FAM222B: variants seen among roughly 807,000 people sequenced by gnomAD.
FAM222B encodes the protein family with sequence similarity 222 member B.
FAM222B carries 12 observed loss-of-function variants against 38.0 expected under a neutral mutation model. That is an observed-to-expected ratio of 0.32 (90% confidence interval 0.20 to 0.51). The LOEUF (loss-of-function observed/expected upper bound fraction) is 0.51. FAM222B is among the 20% of genes least tolerant of loss of function. The pLI, the probability that FAM222B is intolerant of heterozygous loss-of-function variation, is 0.97. For synonymous variants in FAM222B, 329 were observed against 317.2 expected (o/e 1.04, Z -0.40); for missense variants, 716 against 754.2 (o/e 0.95, Z 0.59).
At chr17:28,853,979 T>C (rs2039204260) in intron 1 of FAM222B, among the ~76,000 whole-genome samples, 1 of 146,880 alleles carries the variant, frequency 6.8e-6, no homozygotes, top group Non-Finnish European at 1.5e-5. Flanking sequence ...AGTCTCGCTC[T>C]ATCGCCCAGG....
At chr17:28,783,839 C>T (rs1275263274) in intron 1 of FAM222B, among the ~76,000 whole-genome samples, 1 of 151,216 alleles carries the variant, frequency 6.6e-6, no homozygotes, top group Non-Finnish European at 1.5e-5. Context: ...CACTCTCTTG[C>T]CCTGGCTGTA....
intron 1 of FAM222B, among the ~76,000 whole-genome samples, chr17:28,773,090 C>A (rs1473856702): frequency 2.6e-5 from 4 of 152,098 alleles, no homozygotes; most frequent in Non-Finnish European, 5.9e-5. Flanking sequence ...CAAGAAGAAA[C>A]TTCCACAAGT....
chr17:28,758,160 A>G lies in FAM222B; in HGVS notation c.*110T>C. ...ACCAAATTCCCTTTCTTAGACATCT[A>G]AGAATGATCACACTGGAGCAGTGAA... On this transcript the variant is annotated 3_prime_UTR_variant, in exon 3 of 3. Coordinates refer to ENST00000581407, the MANE Select transcript of FAM222B (RefSeq NM_001077498.3). The G allele has an allele frequency of 1.0e-6, 1 of 987,872 alleles. No individual in the cohort carries two copies. Among genetic ancestry groups the G allele is most frequent in the Non-Finnish European group, 1.5e-6 (1 of 675,428 alleles). The allele number at this position is 987,872 out of a possible 1,614,324, so 61.2% of individuals were successfully genotyped here.
rs149556049 is a variant in FAM222B at position 28,780,191 on chromosome 17, C to T, written c.-40-13484G>A. Reference sequence around the variant, plus strand: ...TTCACCATACTGGCCAGGATGGTCTCGATCTCCTGACCTCATGATCTATCC... The same window carrying T: ...TTCACCATACTGGCCAGGATGGTCTTGATCTCCTGACCTCATGATCTATCC... On this transcript the variant is annotated intron_variant, in intron 1 of 2. Coordinates refer to ENST00000581407, the MANE Select transcript of FAM222B (RefSeq NM_001077498.3). Among the ~76,000 whole-genome samples, 368 of 152,078 alleles carry T rather than the reference C, an allele frequency of 2.4e-3. 3 individuals carry two copies. Among genetic ancestry groups the T allele is most frequent in the East Asian group, 0.012 (60 of 5,174 alleles).
intron 1 of FAM222B, among the ~76,000 whole-genome samples, chr17:28,781,089 G>C (rs958892512): frequency 1.3e-5 from 2 of 152,046 alleles, no homozygotes; most frequent in African/African-American, 4.8e-5. Flanking sequence ...CAATAGGTAC[G>C]TGAAAAAATG....
At chr17:28,849,118 G>A (rs1037412594) in intron 1 of FAM222B, among the ~76,000 whole-genome samples, 27 of 151,628 alleles carry the variant, frequency 1.8e-4, no homozygotes, top group Admixed American at 9.2e-4. Context: ...AAAATTAGCC[G>A]GGCGTGGTGG....
At chr17:28,847,391 G>A (rs1332123448), upstream of FAM222B, among the ~76,000 whole-genome samples, 1 of 151,548 alleles carries the variant, frequency 6.6e-6, no homozygotes, top group Non-Finnish European at 1.5e-5. Flanking sequence ...TCAGGAGTTC[G>A]AGGCCAGTTT....
intron 1 of FAM222B, among the ~76,000 whole-genome samples, chr17:28,800,385 T>C (rs1477512085): frequency 2.0e-5 from 3 of 152,196 alleles, no homozygotes; most frequent in Non-Finnish European, 4.4e-5. Flanking sequence ...TGTGGACAGA[T>C]GTGAGGTGGA....
chr17:28,835,716 A>G (rs2038822548), intron 1 of FAM222B, among the ~76,000 whole-genome samples: 1 of 151,602 alleles, frequency 6.6e-6, no homozygotes, highest in African/African-American at 2.4e-5. Flanking sequence ...CTGGAGTGCA[A>G]TAGCGAGTTT....
intron 1 of FAM222B, among the ~76,000 whole-genome samples, chr17:28,798,359 G>T (rs2037041955): frequency 6.6e-6 from 1 of 152,100 alleles, no homozygotes; most frequent in African/African-American, 2.4e-5. Context: ...TCCAGCCCGG[G>T]CAAACAGAGT....
At position 28,798,674 on chromosome 17, in the gene FAM222B, G is replaced by A. The variant is rs1457796634; in HGVS notation, c.-40-31967C>T. Among the ~76,000 whole-genome samples, 12 of 145,194 alleles carry A rather than the reference G, an allele frequency of 8.3e-5. No homozygotes were observed. In the South Asian group the frequency reaches 1.7e-3, roughly 21 times the overall value. On this transcript the variant is annotated intron_variant, in intron 1 of 2. Transcript: ENST00000581407. ...TTTTGAAACGGAGTCTTGCTCTCTC[G>A]CCCAAACTGGAGTGCAGTGGCGCGA...
At chr17:28,801,842 C>T (rs536666406) in intron 1 of FAM222B, among the ~76,000 whole-genome samples, 1 of 152,078 alleles carries the variant, frequency 6.6e-6, no homozygotes, top group East Asian at 1.9e-4. Flanking sequence ...GGTAGAAGTG[C>T]TTAGCTTTTG....
chr17:28,810,457 AACTTTGTTTTATATACTAG>A (rs1190160245), intron 1 of FAM222B, among the ~76,000 whole-genome samples: 9 of 27,410 alleles, frequency 3.3e-4, no homozygotes, highest in African/African-American at 2.7e-3. Flanking sequence ...TATACTAGCT[AACTTTGTTTTATATACTAG>A]CTAACTTTGT....
intron 1 of FAM222B, among the ~76,000 whole-genome samples, chr17:28,832,840 A>C (rs772236945): frequency 6.6e-6 from 1 of 152,128 alleles, no homozygotes; most frequent in East Asian, 1.9e-4. Context: ...AACAAGCTAC[A>C]AAAAGAATCC....
At chr17:28,786,099 T>C (rs1394124672) in intron 1 of FAM222B, among the ~76,000 whole-genome samples, 1 of 152,118 alleles carries the variant, frequency 6.6e-6, no homozygotes, top group Non-Finnish European at 1.5e-5. Flanking sequence ...CCCAAAGTGC[T>C]GGGATTACAG....
intron 2 of FAM222B, among the ~76,000 whole-genome samples, chr17:28,761,043 T>C (rs1174690510): frequency 2.0e-5 from 3 of 151,384 alleles, no homozygotes; most frequent in Admixed American, 6.6e-5. Context: ...GAGCCAAAAA[T>C]AGTCTGTATT....
intron 1 of FAM222B, among the ~76,000 whole-genome samples, chr17:28,788,724 G>T (rs1445423455): frequency 1.3e-5 from 2 of 151,800 alleles, no homozygotes; most frequent in East Asian, 3.9e-4. Context: ...ATTGTAATTT[G>T]CCCTCCCTTT....
At chr17:28,779,792 A>AAAGC (rs1333286613) in intron 1 of FAM222B, among the ~76,000 whole-genome samples, 3 of 151,528 alleles carry the variant, frequency 2.0e-5, no homozygotes, top group Non-Finnish European at 2.9e-5. Flanking sequence ...ATAAATAAAT[A>AAAGC]AAGCATCTGA....
chr17:28,800,309 G>A (rs1488010754), intron 1 of FAM222B, among the ~76,000 whole-genome samples: 1 of 152,226 alleles, frequency 6.6e-6, no homozygotes, highest in African/African-American at 2.4e-5. Flanking sequence ...GATGACAGGC[G>A]TGAGCCACCG....
Sources: gnomAD v4.1 joint callset for allele counts (sites outside exome capture counted in the v4.1 genomes callset) on GRCh38, gnomAD v4.1.1 for gene constraint, MANE v1.5 for transcripts, NCBI Gene and HGNC (gene_info 2026-07-23, HGNC 2026-07-21) for gene names.